The following UPP2 variants were observed in gnomAD, a reference collection of about 807,000 sequenced individuals.
UPP2 encodes UPase 2.
Under a neutral mutation model 26.7 loss-of-function variants are expected in UPP2, and 23 were observed. The ratio of observed to expected loss-of-function variants is 0.86; its 90% CI spans 0.62 to 1.22. UPP2 has a LOEUF of 1.22. UPP2 is among the 50% of genes most tolerant of loss of function. The pLI is 0.00. For synonymous variants in UPP2, 127 were observed against 141.3 expected (o/e 0.90, Z 0.72); for missense variants, 387 against 396.7 (o/e 0.98, Z 0.21).
intron 3 of UPP2, among the ~76,000 whole-genome samples, chr2:158,069,907 ACTT>A (rs756530349): frequency 1.6e-4 from 24 of 152,036 alleles, no homozygotes; most frequent in African/African-American, 4.4e-4. Flanking sequence ...AAGACTGCTG[ACTT>A]CTTCTTGTAT....
At chr2:158,037,756 C>T (rs937499911) in intron 3 of UPP2, among the ~76,000 whole-genome samples, 4 of 145,144 alleles carry the variant, frequency 2.8e-5, no homozygotes, top group African/African-American at 1.0e-4. Flanking sequence ...AGTATGACCT[C>T]ATCTTAATTT....
intron 2 of UPP2, among the ~76,000 whole-genome samples, chr2:157,996,601 A>ACAACTATTC (rs1683327743): frequency 6.6e-6 from 1 of 152,170 alleles, no homozygotes. Flanking sequence ...AGGATTTACT[A>ACAACTATTC]TGGCCTTCTA....
At chr2:158,051,375 A>G (rs1395393259) in intron 3 of UPP2, among the ~76,000 whole-genome samples, 1 of 152,184 alleles carries the variant, frequency 6.6e-6, no homozygotes, top group Non-Finnish European at 1.5e-5. Context: ...AGAGGGACAC[A>G]ATCTGACAGT....
At chr2:158,074,581 T>A (rs1007342179) in intron 3 of UPP2, among the ~76,000 whole-genome samples, 1 of 151,704 alleles carries the variant, frequency 6.6e-6, no homozygotes, top group Non-Finnish European at 1.5e-5. Flanking sequence ...AAAAACATAG[T>A]ATAGATATAC....
intron 3 of UPP2, among the ~76,000 whole-genome samples, chr2:158,022,797 C>T (rs183477938): frequency 1.2e-4 from 18 of 152,228 alleles, no homozygotes; most frequent in Non-Finnish European, 1.8e-4. Flanking sequence ...CCTTATTTAT[C>T]CACTCATTCT....
rs1682455988 is a variant in UPP2, at chr2:158,067,460, A to G, written c.148-34580A>G. On this transcript the variant is annotated intron_variant, in intron 3 of 9. Coordinates refer to the UPP2 transcript ENST00000605860. ...AAGACAAAGAAAGACAAATGAGATG[A>G]AGGATATAGGGAATTCCTCTTCACT... 3.3e-5 allele frequency among the ~76,000 whole-genome samples: 5 copies of G among 152,062 alleles called. 1 individual carries two copies. Among genetic ancestry groups the G allele is most frequent in the Non-Finnish European group, 7.4e-5 (5 of 67,992 alleles).
intron 2 of UPP2, among the ~76,000 whole-genome samples, chr2:158,113,660 T>C (rs560962416): frequency 1.1e-4 from 17 of 152,326 alleles, no homozygotes; most frequent in African/African-American, 3.6e-4. Context: ...GACCACCCAA[T>C]AGTTAGAGTA....
At chr2:158,012,617 AT>A (rs1274726681) in intron 2 of UPP2, among the ~76,000 whole-genome samples, 1 of 152,192 alleles carries the variant, frequency 6.6e-6, no homozygotes, top group Non-Finnish European at 1.5e-5. Context: ...ATCTTGTGAT[AT>A]TTAACCACAT....
At chr2:158,104,325 T>C (rs10197249) in intron 1 of UPP2, among the ~76,000 whole-genome samples, 12,085 of 151,852 alleles carry the variant, frequency 0.08, 849 homozygotes, top group African/African-American at 0.18. Context: ...TAAAGGAAAA[T>C]TGGAATTTGA....
At chr2:158,124,244 A>G (rs1683641043) in intron 6 of UPP2, among the ~76,000 whole-genome samples, 4 of 152,182 alleles carry the variant, frequency 2.6e-5, no homozygotes, top group African/African-American at 2.4e-5. Flanking sequence ...TAGTCCATCA[A>G]TCATAATTTT....
intron 3 of UPP2, among the ~76,000 whole-genome samples, chr2:158,077,295 T>C (rs1682645129): frequency 6.6e-6 from 1 of 152,056 alleles, no homozygotes; most frequent in Non-Finnish European, 1.5e-5. Flanking sequence ...AAAACAATCC[T>C]AGAACTTATA....
chr2:158,062,754 G>A (rs185841651), intron 3 of UPP2, among the ~76,000 whole-genome samples: 17 of 152,240 alleles, frequency 1.1e-4, no homozygotes, highest in African/African-American at 2.9e-4. Context: ...TTATTTTCCC[G>A]TCAGAGGACT....
chr2:158,119,019 G>C (rs1249372574), intron 4 of UPP2, among the ~76,000 whole-genome samples: 1 of 152,016 alleles, frequency 6.6e-6, no homozygotes, highest in African/African-American at 2.4e-5. Flanking sequence ...ATAAGTGTCA[G>C]ATCAGGCATC....
chr2:158,133,334 AGAGAGTAGAATGGTGGT>A (rs1435638284), intron 6 of UPP2, among the ~76,000 whole-genome samples: 7 of 152,170 alleles, frequency 4.6e-5, no homozygotes, highest in Non-Finnish European at 1.5e-5. Context: ...TCATGGAAGT[AGAGAGTAGAATGGTGGT>A]TACCAGAGTA....
intron 3 of UPP2, among the ~76,000 whole-genome samples, chr2:158,049,372 C>G (rs1486128054): frequency 6.6e-6 from 1 of 152,196 alleles, no homozygotes; most frequent in African/African-American, 2.4e-5. Context: ...ATTCATGCCA[C>G]AGGCCTCTTC....
In UPP2 at chr2:158,039,328, T is replaced by G. The variant is rs552789154; in HGVS notation, c.147+23442T>G. On this transcript the variant is annotated intron_variant, in intron 3 of 9. Transcript: ENST00000605860. ...GCAAGCTGTGTCACATTGAGCAAGA[T>G]TCTTCACCTCAGAATGACTTTTCTG... 2.0e-5 allele frequency among the ~76,000 whole-genome samples: 3 copies of G among 152,346 alleles called. No homozygotes were observed. In the East Asian group the frequency reaches 5.8e-4, roughly 29 times the overall value.
chr2:158,009,344 T>C (rs1459719185), intron 2 of UPP2, among the ~76,000 whole-genome samples: 1 of 152,216 alleles, frequency 6.6e-6, no homozygotes, highest in Non-Finnish European at 1.5e-5. Context: ...TTTGCTTAAA[T>C]GTCGCTATTA....
At chr2:158,038,893 T>C (rs1469246318) in intron 3 of UPP2, among the ~76,000 whole-genome samples, 1 of 152,138 alleles carries the variant, frequency 6.6e-6, no homozygotes, top group Non-Finnish European at 1.5e-5. Flanking sequence ...GAGTAGACAA[T>C]AGGTTCCATC....
intron 2 of UPP2, among the ~76,000 whole-genome samples, chr2:158,114,546 A>G (rs1386169977): frequency 1.3e-5 from 2 of 152,266 alleles, no homozygotes; most frequent in Non-Finnish European, 2.9e-5. Flanking sequence ...CACATTTACA[A>G]TAATAAGGCT....
Sources: gnomAD v4.1 joint callset for allele counts (sites outside exome capture counted in the v4.1 genomes callset) on GRCh38, gnomAD v4.1.1 for gene constraint, MANE v1.5 for transcripts, NCBI Gene and HGNC (gene_info 2026-07-23, HGNC 2026-07-21) for gene names.